MS4A4A: variants seen among roughly 807,000 people sequenced by gnomAD.
MS4A4A encodes the protein membrane-spanning 4-domains subfamily A member 4A.
MS4A4A carries 26 observed loss-of-function variants against 28.0 expected under a neutral mutation model. The observed-to-expected ratio is 0.93, with a 90% CI of 0.68 to 1.29. The LOEUF is 1.29. Among genes scored for constraint, MS4A4A ranks in the 50% most tolerant of loss-of-function variants. MS4A4A has a pLI of 0.00. For missense variants in MS4A4A, 290 were observed against 293.1 expected, an observed-to-expected ratio of 0.99 and a Z score of 0.08; for synonymous variants, 86 against 100.8, an observed-to-expected ratio of 0.85 and a Z score of 0.88.
chr11:60,283,855 T>A (rs2084778746), intron 1 of MS4A4A, among the ~76,000 whole-genome samples: 1 of 152,240 alleles, frequency 6.6e-6, no homozygotes, highest in South Asian at 2.1e-4. Context: ...GGTCTGAATA[T>A]ACCTACTCCA....
chr11:60,295,845 G>C (rs2084900827), intron 2 of MS4A4A, among the ~76,000 whole-genome samples: 5 of 152,080 alleles, frequency 3.3e-5, no homozygotes, highest in Admixed American at 2.0e-4. Flanking sequence ...ATCCCAAGTG[G>C]TCATGGTACA....
chr11:60,301,203 A>G (rs920943248), intron 4 of MS4A4A, 146 bp downstream of exon 4: 3 of 671,930 alleles, frequency 4.5e-6, no homozygotes, highest in Non-Finnish European at 7.1e-6. Flanking sequence ...TCTGTCTTTC[A>G]AAAACTGCAG....
chr11:60,301,993 T>C (rs2084956727), intron 4 of MS4A4A, among the ~76,000 whole-genome samples: 2 of 152,202 alleles, frequency 1.3e-5, no homozygotes, highest in African/African-American at 4.8e-5. Flanking sequence ...TTGGTCAGAC[T>C]GGTCTCAAAC....
intron 1 of MS4A4A, chr11:60,282,684 CT>C: frequency 7.8e-7 from 1 of 1,285,480 alleles, no homozygotes; most frequent in Non-Finnish European, 1.0e-6. Context: ...TTTGGAACAA[CT>C]TAAATAAGTC....
intron 1 of MS4A4A, among the ~76,000 whole-genome samples, chr11:60,287,035 G>C (rs2084809236): frequency 6.6e-6 from 1 of 152,134 alleles, no homozygotes; most frequent in South Asian, 2.1e-4. Flanking sequence ...TGTATCTGCT[G>C]TAGTTCTTTG....
chr11:60,293,628 A>C (rs1481408636), intron 2 of MS4A4A, among the ~76,000 whole-genome samples: 1 of 152,252 alleles, frequency 6.6e-6, no homozygotes, highest in Non-Finnish European at 1.5e-5. Context: ...GTAGTATCAC[A>C]TAGTATCCCA....
chr11:60,286,359 A>C (rs1440770916), intron 1 of MS4A4A, among the ~76,000 whole-genome samples: 2 of 152,238 alleles, frequency 1.3e-5, no homozygotes, highest in African/African-American at 4.8e-5. Context: ...AAAGACAGGC[A>C]TAGGAAATTA....
In MS4A4A at chr11:60,288,251, TG is replaced by T. The variant is rs2084820058; in HGVS notation, c.42-3973del. Among the ~76,000 whole-genome samples the T allele has an allele frequency of 2.0e-5, 3 of 152,244 alleles. 1 individual carries two copies. The South Asian group carries it at 6.2e-4, about 31-fold the overall frequency. On this transcript the variant is annotated intron_variant, in intron 1 of 6. Coordinates refer to ENST00000337908, the MANE Select transcript of MS4A4A (RefSeq NM_148975.3). The stretch of plus-strand genomic sequence containing the variant: ...CCATGCCCCTACAACTCTTGCAGTC[TG>T]TGAGCCTATAGAGTTAACACCACAT...
intron 1 of MS4A4A, 21 bp downstream of exon 1, chr11:60,280,737 T>A: frequency 6.2e-7 from 1 of 1,613,168 alleles, no homozygotes; most frequent in East Asian, 2.2e-5. Flanking sequence ...GGACTTGCCT[T>A]CCTAGGCTTT....
At chr11:60,299,258 T>A (rs1212221854) in intron 3 of MS4A4A, among the ~76,000 whole-genome samples, 1 of 152,170 alleles carries the variant, frequency 6.6e-6, no homozygotes, top group Non-Finnish European at 1.5e-5. Flanking sequence ...TAAGAATAGT[T>A]AAACCACTTG....
intron 6 of MS4A4A, among the ~76,000 whole-genome samples, chr11:60,307,563 C>T (rs553675115): frequency 6.6e-6 from 1 of 152,220 alleles, no homozygotes; most frequent in South Asian, 2.1e-4. Context: ...TTCTAATCTC[C>T]TGATGTGAAT....
chr11:60,301,982 G>A (rs2084956707), intron 4 of MS4A4A, among the ~76,000 whole-genome samples: 3 of 152,156 alleles, frequency 2.0e-5, no homozygotes. Context: ...GTTTCTCCAT[G>A]TTGGTCAGAC....
Position 60,301,073 on chromosome 11 carries a change from T to G in MS4A4A, c.387+16T>G. On this transcript the variant is annotated intron_variant, in intron 4 of 6. Coordinates refer to ENST00000337908, the MANE Select transcript of MS4A4A (RefSeq NM_148975.3). ...AAAAGGCCTGGTGAGTAATATTTTC[T>G]TTTTTTGGTATCAAAAAAAGGAAGG... is the stretch of plus-strand genomic sequence containing the variant. The G allele has an allele frequency of 6.4e-7, 1 of 1,557,098 alleles. No individual in the cohort carries two copies. Among genetic ancestry groups the G allele is most frequent in the Non-Finnish European group, 8.7e-7 (1 of 1,148,318 alleles).
intron 5 of MS4A4A, among the ~76,000 whole-genome samples, chr11:60,302,978 T>C (rs2084966451): frequency 6.6e-6 from 1 of 152,190 alleles, no homozygotes; most frequent in Non-Finnish European, 1.5e-5. Context: ...CTGTGCTGGG[T>C]ATTTTGTATA....
Position 60,293,934 on chromosome 11 carries a change from T to C in MS4A4A, c.201+1550T>C, listed in dbSNP as rs371702350. Among the ~76,000 whole-genome samples the C allele has an allele frequency of 2.8e-4, 42 of 152,364 alleles. 1 individual carries two copies. In the South Asian group the frequency reaches 8.1e-3, roughly 29 times the overall value. Reference sequence around the variant, plus strand: ...GGAGTAACATTGCTATAAATATCTGTGTGCAGGTCATGTGTGGACATAAGT... The same window carrying C: ...GGAGTAACATTGCTATAAATATCTGCGTGCAGGTCATGTGTGGACATAAGT... On this transcript the variant is annotated intron_variant, in intron 2 of 6. Transcript: ENST00000337908.
At chr11:60,291,746 C>T (rs1428734815) in intron 1 of MS4A4A, among the ~76,000 whole-genome samples, 2 of 145,712 alleles carry the variant, frequency 1.4e-5, no homozygotes, top group East Asian at 2.0e-4. Context: ...TGCAGTGTGC[C>T]GAGATCGCGC....
intron 1 of MS4A4A, among the ~76,000 whole-genome samples, chr11:60,288,074 A>C (rs1417327651): frequency 6.6e-6 from 1 of 152,132 alleles, no homozygotes; most frequent in Non-Finnish European, 1.5e-5. Flanking sequence ...AGGTAGCCTC[A>C]CTACCATGGC....
At chr11:60,297,542 A>G (rs1325476008) in intron 3 of MS4A4A, among the ~76,000 whole-genome samples, 1 of 152,166 alleles carries the variant, frequency 6.6e-6, no homozygotes, top group Admixed American at 6.5e-5. Context: ...TGTCAGTTAG[A>G]TATATTACAG....
intron 1 of MS4A4A, 25 bp downstream of exon 1, chr11:60,280,741 A>T: frequency 6.2e-7 from 1 of 1,612,976 alleles, no homozygotes. Flanking sequence ...TTGCCTTCCT[A>T]GGCTTTCGGG....
Sources: gnomAD v4.1 joint callset for allele counts (sites outside exome capture counted in the v4.1 genomes callset) on GRCh38, gnomAD v4.1.1 for gene constraint, MANE v1.5 for transcripts, NCBI Gene and HGNC (gene_info 2026-07-23, HGNC 2026-07-21) for gene names.